ATP8A1: variants seen among roughly 807,000 people sequenced by gnomAD.
ATP8A1 encodes phospholipid-transporting ATPase IA.
In ATP8A1, 90 loss-of-function variants were observed where a neutral mutation model predicts 177.7. The observed-to-expected ratio is 0.51, with a 90% CI of 0.43 to 0.60. The LOEUF (loss-of-function observed/expected upper bound fraction) is 0.60, where lower values mean the gene tolerates loss of function less well. Ranked by LOEUF, ATP8A1 falls within the 20% of genes least tolerant of loss-of-function variation. ATP8A1 has a pLI of 0.00. For missense variants in ATP8A1, 1,072 were observed against 1,392.8 expected, an observed-to-expected ratio of 0.77 and a Z score of 3.67; for synonymous variants, 493 against 485.9, an observed-to-expected ratio of 1.01 and a Z score of -0.19.
intron 1 of ATP8A1, among the ~76,000 whole-genome samples, chr4:42,638,793 A>G (rs1739642161): frequency 6.6e-6 from 1 of 152,162 alleles, no homozygotes; most frequent in African/African-American, 2.4e-5. Context: ...CAACCACCAG[A>G]CATCTACCAA....
intron 1 of ATP8A1, among the ~76,000 whole-genome samples, chr4:42,652,702 A>T (rs1031647887): frequency 6.6e-6 from 1 of 152,082 alleles, no homozygotes; most frequent in African/African-American, 2.4e-5. Context: ...TGCTGTTCTC[A>T]TGACAGTGAA....
chr4:42,580,988 C>T (rs17532196), intron 10 of ATP8A1, among the ~76,000 whole-genome samples: 10,676 of 152,172 alleles, frequency 0.07, 506 homozygotes, highest in Middle Eastern at 0.14. Context: ...TGTTTTAATG[C>T]AGATCACTTA....
intron 6 of ATP8A1, among the ~76,000 whole-genome samples, chr4:42,594,559 TATATTGG>T (rs1443043055): frequency 1.3e-5 from 2 of 152,122 alleles, no homozygotes; most frequent in Admixed American, 6.6e-5. Context: ...ATGAACATTG[TATATTGG>T]ATATATAACT....
chr4:42,452,969 C>A (rs767485709), intron 29 of ATP8A1, among the ~76,000 whole-genome samples: 1 of 152,194 alleles, frequency 6.6e-6, no homozygotes, highest in Non-Finnish European at 1.5e-5. Flanking sequence ...GTTCTCCCAG[C>A]CACACTGGAT....
chr4:42,491,709 T>C (rs1277459637), intron 24 of ATP8A1, among the ~76,000 whole-genome samples: 1 of 152,202 alleles, frequency 6.6e-6, no homozygotes, highest in African/African-American at 2.4e-5. Flanking sequence ...ACAGGCCAGA[T>C]GTGCAAAGAA....
intron 14 of ATP8A1, 30 bp downstream of exon 14, chr4:42,574,589 T>C: frequency 6.5e-7 from 1 of 1,539,778 alleles, no homozygotes; most frequent in Non-Finnish European, 8.9e-7. Flanking sequence ...AAGCATGTAT[T>C]TCATATCCTA....
At chr4:42,440,420 G>A (rs890603955) in intron 33 of ATP8A1, among the ~76,000 whole-genome samples, 1 of 148,984 alleles carries the variant, frequency 6.7e-6, no homozygotes, top group Non-Finnish European at 1.5e-5. Flanking sequence ...ATGGCTCTTG[G>A]TTCCCCTTAC....
chr4:42,640,557 A>T (rs1388692687), intron 1 of ATP8A1, among the ~76,000 whole-genome samples: 4 of 152,180 alleles, frequency 2.6e-5, no homozygotes, highest in African/African-American at 9.6e-5. Flanking sequence ...AACCCTCAGC[A>T]TCTGGATTTC....
intron 6 of ATP8A1, among the ~76,000 whole-genome samples, chr4:42,595,414 C>T (rs769429465): frequency 1.4e-4 from 22 of 152,052 alleles, no homozygotes; most frequent in Non-Finnish European, 2.4e-4. Context: ...ATTTATGACA[C>T]GTATGCTTAA....
chr4:42,446,546 A>G, intron 31 of ATP8A1, 37 bp downstream of exon 31: 1 of 1,591,816 alleles, frequency 6.3e-7, no homozygotes, highest in Non-Finnish European at 8.6e-7. Flanking sequence ...AAAGGTTTTG[A>G]TTTTACACGC....
At chr4:42,627,233 CTTTTA>C in intron 1 of ATP8A1, 124 bp from the exon 2 acceptor site, 1 of 644,178 alleles carries the variant, frequency 1.6e-6, no homozygotes, top group Non-Finnish European at 2.6e-6. Context: ...ACTGTTGTTT[CTTTTA>C]TAATAAAAAG....
intron 9 of ATP8A1, among the ~76,000 whole-genome samples, 190 bp downstream of exon 9, chr4:42,586,159 A>G (rs1733591668): frequency 6.6e-6 from 1 of 152,230 alleles, no homozygotes; most frequent in Non-Finnish European, 1.5e-5. Flanking sequence ...GTCATCAGCT[A>G]TACTACATGA....
chr4:42,495,344 T>C (rs987569955), intron 24 of ATP8A1, among the ~76,000 whole-genome samples: 1 of 152,228 alleles, frequency 6.6e-6, no homozygotes, highest in Non-Finnish European at 1.5e-5. Flanking sequence ...CATTGGGTAT[T>C]ACTTGCTTTT....
intron 6 of ATP8A1, among the ~76,000 whole-genome samples, chr4:42,599,507 T>C (rs1049055958): frequency 6.6e-6 from 1 of 152,188 alleles, no homozygotes; most frequent in Admixed American, 6.6e-5. Flanking sequence ...AATTTTCAAC[T>C]ATATGAAAGA....
intron 1 of ATP8A1, among the ~76,000 whole-genome samples, chr4:42,653,036 A>G (rs28729088): frequency 0.16 from 12,958 of 82,196 alleles, 1,522 homozygotes; most frequent in African/African-American, 0.26. Flanking sequence ...TGTTTTTATT[A>G]GCAGCCTAAG....
At chr4:42,545,624 C>T (rs1274910254) in intron 19 of ATP8A1, among the ~76,000 whole-genome samples, 1 of 152,200 alleles carries the variant, frequency 6.6e-6, no homozygotes, top group Admixed American at 6.5e-5. Flanking sequence ...CTCCCGCGTT[C>T]CCTCCTCACC....
intron 1 of ATP8A1, among the ~76,000 whole-genome samples, chr4:42,639,425 G>A (rs1739724567): frequency 6.6e-6 from 1 of 152,146 alleles, no homozygotes; most frequent in African/African-American, 2.4e-5. Context: ...GTTGTTAACA[G>A]ATAATAAAAG....
chr4:42,457,966 A>G (rs1006986384), intron 27 of ATP8A1, among the ~76,000 whole-genome samples: 4 of 152,112 alleles, frequency 2.6e-5, no homozygotes, highest in African/African-American at 7.2e-5. Flanking sequence ...TATTTCCTGG[A>G]TTTTTAAGGG....
chr4:42,453,558 A>C (rs1718160731), intron 29 of ATP8A1, among the ~76,000 whole-genome samples: 1 of 152,340 alleles, frequency 6.6e-6, no homozygotes, highest in South Asian at 2.1e-4. Context: ...CTCCCACATT[A>C]AAACAATATA....
Sources: gnomAD v4.1 joint callset for allele counts (sites outside exome capture counted in the v4.1 genomes callset) on GRCh38, gnomAD v4.1.1 for gene constraint, MANE v1.5 for transcripts, NCBI Gene and HGNC (gene_info 2026-07-23, HGNC 2026-07-21) for gene names.